ADAMTSL3: variants seen among roughly 807,000 people sequenced by gnomAD.
The protein encoded by ADAMTSL3 is ADAMTS like 3.
Under a neutral mutation model 201.7 loss-of-function variants are expected in ADAMTSL3, and 128 were observed. The observed-to-expected ratio is 0.63, with a 90% CI of 0.55 to 0.73. The LOEUF (loss-of-function observed/expected upper bound fraction) is 0.73. Among genes scored for constraint, ADAMTSL3 ranks in the 30% least tolerant of loss-of-function variants. ADAMTSL3 has a pLI of 0.00. For missense variants in ADAMTSL3, 1,990 were observed against 2,119.6 expected (o/e 0.94, Z 1.20); for synonymous variants, 738 against 748.4 (o/e 0.99, Z 0.23).
intron 7 of ADAMTSL3, among the ~76,000 whole-genome samples, chr15:83,839,659 A>G (rs1051734155): frequency 6.6e-6 from 1 of 152,148 alleles, no homozygotes; most frequent in Non-Finnish European, 1.5e-5. Context: ...GTAGCGTGGG[A>G]GGAAACGTAG....
chr15:83,871,043 G>A lies in ADAMTSL3; in HGVS notation c.960+84G>A, dbSNP rs1303457256. 2.7e-6 allele frequency: 4 copies of A among 1,476,696 alleles called. No individual in the cohort carries two copies. In the African/African-American group the frequency reaches 4.2e-5, roughly 16 times the overall value. The allele number at this position is 1,476,696 out of a possible 1,614,324, so 91.5% of individuals were successfully genotyped here. Reference sequence around the variant, plus strand: ...AAAACAATGAGTTTGTTTAGCAAGAGGTCATCAATCATTGTTTTTTATACA... The same window carrying A: ...AAAACAATGAGTTTGTTTAGCAAGAAGTCATCAATCATTGTTTTTTATACA... On this transcript the variant is annotated intron_variant, in intron 9 of 29. Transcript: ENST00000286744.
intron 4 of ADAMTSL3, among the ~76,000 whole-genome samples, chr15:83,791,614 T>A (rs1035346347): frequency 6.6e-6 from 1 of 152,042 alleles, no homozygotes; most frequent in Non-Finnish European, 1.5e-5. Flanking sequence ...ATCCCAACAC[T>A]TTGGGAGGCC....
intron 6 of ADAMTSL3, among the ~76,000 whole-genome samples, chr15:83,827,110 A>G (rs983359030): frequency 6.6e-6 from 1 of 152,222 alleles, no homozygotes; most frequent in African/African-American, 2.4e-5. Context: ...TGGTTGAACC[A>G]GTTTACAGTT....
At chr15:83,933,177 G>A (rs1182639862) in intron 17 of ADAMTSL3, among the ~76,000 whole-genome samples, 3 of 152,086 alleles carry the variant, frequency 2.0e-5, no homozygotes, top group African/African-American at 4.8e-5. Flanking sequence ...GGAAGAGAGA[G>A]CTGAAAAAAT....
intron 26 of ADAMTSL3, 129 bp from the exon 27 acceptor site, chr15:84,025,109 A>G (rs866199769): frequency 4.2e-6 from 3 of 715,390 alleles, no homozygotes; most frequent in Non-Finnish European, 6.7e-6. Context: ...GCTGCTTCCC[A>G]TTCCCATAGA....
At chr15:83,962,862 G>A (rs2066999418) in intron 19 of ADAMTSL3, among the ~76,000 whole-genome samples, 1 of 152,190 alleles carries the variant, frequency 6.6e-6, no homozygotes, top group Non-Finnish European at 1.5e-5. Flanking sequence ...GCAGCCCATG[G>A]AGGGCCAGCT....
At chr15:83,694,651 G>A (rs1399579991) in intron 2 of ADAMTSL3, among the ~76,000 whole-genome samples, 7 of 152,060 alleles carry the variant, frequency 4.6e-5, no homozygotes, top group African/African-American at 1.4e-4. Context: ...CTTTCTTTCC[G>A]CTCCCCATTC....
chr15:83,681,920 C>T (rs1425123421), intron 2 of ADAMTSL3, among the ~76,000 whole-genome samples: 1 of 152,142 alleles, frequency 6.6e-6, no homozygotes, highest in Non-Finnish European at 1.5e-5. Flanking sequence ...AAAAATCTGT[C>T]CTTAGTGACT....
At chr15:83,773,765 T>A in intron 4 of ADAMTSL3, 115 bp downstream of exon 4, 1 of 1,355,530 alleles carries the variant, frequency 7.4e-7, no homozygotes. Flanking sequence ...TGGTGTAACG[T>A]TTGCTTTGTC....
intron 16 of ADAMTSL3, among the ~76,000 whole-genome samples, chr15:83,922,584 A>G (rs1289177023): frequency 2.0e-5 from 3 of 152,246 alleles, no homozygotes; most frequent in African/African-American, 7.2e-5. Flanking sequence ...ATTAAGTTGT[A>G]GCAATGCCTT....
chr15:83,985,885 C>T (rs1044632267), intron 21 of ADAMTSL3, among the ~76,000 whole-genome samples: 1 of 152,142 alleles, frequency 6.6e-6, no homozygotes, highest in Non-Finnish European at 1.5e-5. Flanking sequence ...CCACCTCGGC[C>T]TCCCAAAGTG....
rs2065271996 is a variant in ADAMTSL3 at position 83,881,576 on chromosome 15, C to T, written c.961-3525C>T. On this transcript the variant is annotated intron_variant, in intron 9 of 29. Coordinates refer to ENST00000286744, the MANE Select transcript of ADAMTSL3 (RefSeq NM_207517.3). ...AATACACTAAAAATATTTTATGGGC[C>T]AGGCGCTTTGGCTCATGCCTGTCAT... Among the ~76,000 whole-genome samples, 3 of 152,174 alleles carry T rather than the reference C, an allele frequency of 2.0e-5. No homozygotes were observed. The South Asian group carries it at 6.2e-4, about 32-fold the overall frequency.
intron 4 of ADAMTSL3, among the ~76,000 whole-genome samples, chr15:83,796,034 C>T (rs1433017365): frequency 7.9e-5 from 12 of 152,126 alleles, no homozygotes; most frequent in Admixed American, 7.9e-4. Flanking sequence ...AATACTTACT[C>T]TCAATTGAAA....
intron 3 of ADAMTSL3, among the ~76,000 whole-genome samples, chr15:83,708,011 C>T (rs1454798619): frequency 4.6e-5 from 7 of 152,152 alleles, no homozygotes; most frequent in Admixed American, 6.5e-5. Context: ...CAGCAGCCAC[C>T]GGCATTCCAC....
At chr15:83,971,193 G>A (rs535664460) in intron 20 of ADAMTSL3, among the ~76,000 whole-genome samples, 2 of 152,286 alleles carry the variant, frequency 1.3e-5, no homozygotes, top group East Asian at 1.9e-4. Context: ...TAATATGCAT[G>A]TAGCATTCAT....
At chr15:83,974,643 C>T (rs997275241) in intron 20 of ADAMTSL3, among the ~76,000 whole-genome samples, 1 of 152,162 alleles carries the variant, frequency 6.6e-6, no homozygotes, top group Non-Finnish European at 1.5e-5. Flanking sequence ...TATTCATGGA[C>T]ATTCTTTTTA....
At chr15:83,753,837 C>T (rs1481819081) in intron 3 of ADAMTSL3, among the ~76,000 whole-genome samples, 1 of 152,114 alleles carries the variant, frequency 6.6e-6, no homozygotes, top group African/African-American at 2.4e-5. Flanking sequence ...GGATGAAAAA[C>T]ATTACATCCA....
At chr15:83,863,026 C>A (rs2064899327) in intron 8 of ADAMTSL3, 1 of 152,076 alleles carries the variant, frequency 6.6e-6, no homozygotes, top group Non-Finnish European at 1.5e-5. Context: ...ACAAAGAAGG[C>A]CATTACATAG....
chr15:83,948,656 A>G (rs1255827302), intron 19 of ADAMTSL3, among the ~76,000 whole-genome samples: 1 of 152,158 alleles, frequency 6.6e-6, no homozygotes, highest in Non-Finnish European at 1.5e-5. Context: ...ATGAATCATT[A>G]TCCTACAGAT....
Sources: gnomAD v4.1 joint callset for allele counts (sites outside exome capture counted in the v4.1 genomes callset) on GRCh38, gnomAD v4.1.1 for gene constraint, MANE v1.5 for transcripts, NCBI Gene and HGNC (gene_info 2026-07-23, HGNC 2026-07-21) for gene names.